The following CEP112 variants were observed in gnomAD, a reference collection of about 807,000 sequenced individuals.
CEP112 encodes centrosomal protein 112.
A neutral mutation model predicts 153.0 loss-of-function variants in CEP112; 127 were observed. The ratio of observed to expected loss-of-function variants is 0.83; its 90% CI spans 0.72 to 0.96. The LOEUF (loss-of-function observed/expected upper bound fraction) is 0.96. Among genes scored for constraint, CEP112 ranks in the 40% least tolerant of loss-of-function variants. The pLI, the probability that CEP112 is intolerant of heterozygous loss-of-function variation, is 0.00. For synonymous variants in CEP112, 358 were observed against 374.4 expected, an observed-to-expected ratio of 0.96 and a Z score of 0.51; for missense variants, 1,089 against 1,101.2, an observed-to-expected ratio of 0.99 and a Z score of 0.16.
chr17:66,043,122 T>C (rs2066055844), intron 12 of CEP112: 2 of 966,690 alleles, frequency 2.1e-6, no homozygotes, highest in Non-Finnish European at 2.5e-6. Flanking sequence ...GGATCATGGA[T>C]GGAATTCAGA....
chr17:65,981,570 G>T (rs1035241658), intron 17 of CEP112, among the ~76,000 whole-genome samples: 1 of 105,732 alleles, frequency 9.5e-6, no homozygotes, highest in South Asian at 2.3e-4. Context: ...CGTGGTTTTT[G>T]ATTTTTTTGT....
rs750757862 is a variant in CEP112, at chr17:66,028,403, T to C, written c.1506A>G (p.Ala502=). 4 of 1,533,982 alleles carry C rather than the reference T, an allele frequency of 2.6e-6. No homozygotes were observed. The highest frequency in any genetic ancestry group is 1.2e-5 in the South Asian group (1 of 83,236). The change falls in exon 15 of 27, where the codon GCA becomes GCG. Residue 502 remains alanine (A), a splice_region_variant and synonymous_variant. Coordinates refer to ENST00000535342, the MANE Select transcript of CEP112 (RefSeq NM_001199165.4). ...GCTCTAATTCTTCAATCATACTAGA[T>C]GCCTACAAGGATTTTAAGAAGAATA... is the stretch of plus-strand genomic sequence containing the variant. ...KQEHALSASK[A]SSMIEELEQN... is the part of the protein sequence containing the mutation.
chr17:65,720,307 G>C (rs1234994298), intron 23 of CEP112, among the ~76,000 whole-genome samples: 1 of 152,220 alleles, frequency 6.6e-6, no homozygotes, highest in Non-Finnish European at 1.5e-5. Context: ...CTGGGCTAGA[G>C]ATAGAAAGTT....
At chr17:66,121,952 T>A (rs890383340) in intron 6 of CEP112, among the ~76,000 whole-genome samples, 3 of 152,124 alleles carry the variant, frequency 2.0e-5, no homozygotes, top group Non-Finnish European at 4.4e-5. Context: ...TGGAGTGCAA[T>A]GGTGCGATCT....
intron 6 of CEP112, among the ~76,000 whole-genome samples, chr17:66,125,541 G>A (rs894668653): frequency 6.6e-6 from 1 of 151,754 alleles, no homozygotes; most frequent in African/African-American, 2.4e-5. Flanking sequence ...ATAAGAAAAT[G>A]GGCAGGTTTC....
chr17:65,986,213 A>T (rs927416108), intron 17 of CEP112, among the ~76,000 whole-genome samples: 1 of 152,164 alleles, frequency 6.6e-6, no homozygotes. Flanking sequence ...AATAACTCAG[A>T]TAAACAGAAA....
chr17:65,711,460 G>A (rs1029630715), intron 23 of CEP112, among the ~76,000 whole-genome samples: 2 of 152,160 alleles, frequency 1.3e-5, no homozygotes, highest in African/African-American at 4.8e-5. Context: ...ACATATAAGA[G>A]CTCAATAGAT....
At chr17:66,140,874 T>C (rs1598427151) in intron 4 of CEP112, among the ~76,000 whole-genome samples, 1 of 152,192 alleles carries the variant, frequency 6.6e-6, no homozygotes, top group Admixed American at 6.5e-5. Context: ...CTCAAACTCC[T>C]GATCTCAAGT....
chr17:65,734,702 TTTGA>T (rs1311129097), intron 23 of CEP112, among the ~76,000 whole-genome samples: 1 of 152,192 alleles, frequency 6.6e-6, no homozygotes, highest in Non-Finnish European at 1.5e-5. Flanking sequence ...AAGATGTTAT[TTTGA>T]TTGAAGAATA....
intron 21 of CEP112, among the ~76,000 whole-genome samples, chr17:65,824,797 C>T (rs2056758534): frequency 6.6e-6 from 1 of 152,150 alleles, no homozygotes; most frequent in Non-Finnish European, 1.5e-5. Flanking sequence ...AGGTAGAAGA[C>T]ATCAATTCAC....
At chr17:65,969,376 T>C (rs928936911) in intron 17 of CEP112, among the ~76,000 whole-genome samples, 4 of 152,214 alleles carry the variant, frequency 2.6e-5, no homozygotes, top group African/African-American at 9.6e-5. Flanking sequence ...ACGTATTACA[T>C]GTACATTGCA....
At chr17:66,094,757 G>A (rs2068272752) in intron 8 of CEP112, among the ~76,000 whole-genome samples, 1 of 152,070 alleles carries the variant, frequency 6.6e-6, no homozygotes. Flanking sequence ...TATCTAATAA[G>A]GGGTTAACAT....
At position 66,091,858 on chromosome 17, in the gene CEP112, C is replaced by T. The variant is rs115454547; in HGVS notation, c.768+4393G>A. 4.2e-3 allele frequency among the ~76,000 whole-genome samples: 640 copies of T among 151,848 alleles called. 6 individuals carry two copies. Among genetic ancestry groups the T allele is most frequent in the African/African-American group, 0.015 (609 of 41,406 alleles). The stretch of plus-strand genomic sequence containing the variant: ...AATGAAAGAGATGTTAGAATTGATG[C>T]CACAGATATACAAAGGATCATGAAA... On this transcript the variant is annotated intron_variant, in intron 8 of 26. Transcript: ENST00000535342.
chr17:65,920,362 A>ACAAACAAAAAAAAAAT (rs1230889770), intron 19 of CEP112, among the ~76,000 whole-genome samples: 3 of 42,780 alleles, frequency 7.0e-5, no homozygotes, highest in African/African-American at 2.6e-4. Context: ...AAACAAACAA[A>ACAAACAAAAAAAAAAT]ATATATATAT....
chr17:65,769,566 T>C (rs1268863936), intron 21 of CEP112, among the ~76,000 whole-genome samples: 1 of 152,046 alleles, frequency 6.6e-6, no homozygotes. Context: ...TAGAAACAGA[T>C]GCCTAGACTA....
At chr17:65,733,731 T>G (rs1473127962) in intron 23 of CEP112, among the ~76,000 whole-genome samples, 1 of 152,200 alleles carries the variant, frequency 6.6e-6, no homozygotes, top group African/African-American at 2.4e-5. Context: ...TTATGATTTA[T>G]GAGGGAACAT....
chr17:66,133,562 T>C (rs2070298517), intron 4 of CEP112, among the ~76,000 whole-genome samples: 1 of 152,196 alleles, frequency 6.6e-6, no homozygotes, highest in Non-Finnish European at 1.5e-5. Context: ...CTAATATAAA[T>C]ATCATATAAA....
At chr17:66,186,290 TTTTCG>T (rs1251735361) in intron 1 of CEP112, among the ~76,000 whole-genome samples, 9 of 152,026 alleles carry the variant, frequency 5.9e-5, no homozygotes, top group African/African-American at 2.2e-4. Flanking sequence ...CTCTTTTTTC[TTTTCG>T]TTTCGTTTAT....
At chr17:65,738,361 A>G (rs2050924782) in intron 23 of CEP112, among the ~76,000 whole-genome samples, 1 of 152,156 alleles carries the variant, frequency 6.6e-6, no homozygotes, top group East Asian at 1.9e-4. Flanking sequence ...AAAAGTACAC[A>G]TTTTTCAGCC....
Sources: allele counts gnomAD v4.1 joint callset (sites outside exome capture counted in the v4.1 genomes callset), GRCh38; gene constraint gnomAD v4.1.1; transcripts MANE v1.5; gene names NCBI Gene and HGNC (gene_info 2026-07-23, HGNC 2026-07-21).